Variants in ACACA observed in about 807,000 individuals in gnomAD.
The protein encoded by ACACA is acetyl-CoA carboxylase 1.
In ACACA, 103 loss-of-function variants were observed where a neutral mutation model predicts 296.1. The observed-to-expected ratio is 0.35, with a 90% confidence interval of 0.30 to 0.41. The LOEUF (loss-of-function observed/expected upper bound fraction) is 0.41. Ranked by LOEUF, ACACA falls within the 10% of genes least tolerant of loss-of-function variation. The pLI, the probability that ACACA is intolerant of heterozygous loss-of-function variation, is 1.00. For missense variants in ACACA, 1,554 were observed against 2,989.7 expected, an observed-to-expected ratio of 0.52 and a Z score of 11.20; for synonymous variants, 953 against 1,038.6, an observed-to-expected ratio of 0.92 and a Z score of 1.58.
chr17:37,377,776 A>G (rs2050071295), intron 1 of ACACA: 1 of 844,166 alleles, frequency 1.2e-6, no homozygotes, highest in East Asian at 2.7e-5. Context: ...GCAATCTTTC[A>G]TATCTTCTCC....
chr17:37,253,369 G>A (rs2081081850), intron 14 of ACACA, among the ~76,000 whole-genome samples: 2 of 152,152 alleles, frequency 1.3e-5, no homozygotes, highest in South Asian at 4.2e-4. Context: ...TCTAGCCTGG[G>A]CGACAGAGCG....
At chr17:37,309,605 G>C (rs1186346901) in intron 3 of ACACA, among the ~76,000 whole-genome samples, 1 of 152,074 alleles carries the variant, frequency 6.6e-6, no homozygotes, top group East Asian at 1.9e-4. Flanking sequence ...TGAATTCTAG[G>C]CATAAGGACC....
chr17:37,338,136 A>G (rs1248645619), intron 2 of ACACA, among the ~76,000 whole-genome samples: 2 of 148,434 alleles, frequency 1.3e-5, no homozygotes, highest in African/African-American at 4.9e-5. Context: ...ATAAAATAAA[A>G]CAAAACTAGA....
chr17:37,333,452 C>A (rs2047977478), intron 2 of ACACA, among the ~76,000 whole-genome samples: 2 of 152,028 alleles, frequency 1.3e-5, no homozygotes, highest in Non-Finnish European at 2.9e-5. Flanking sequence ...AGAAGGACAC[C>A]TAGTATGGGG....
chr17:37,105,864 C>CAAAAA (rs61529137), intron 52 of ACACA, among the ~76,000 whole-genome samples: 1 of 115,524 alleles, frequency 8.7e-6, no homozygotes, highest in Non-Finnish European at 2.0e-5. Flanking sequence ...AACTCTGTCT[C>CAAAAA]AAAAAAAAAA....
intron 19 of ACACA, among the ~76,000 whole-genome samples, chr17:37,246,426 T>A (rs1006754157): frequency 3.3e-5 from 5 of 152,146 alleles, no homozygotes; most frequent in Admixed American, 1.3e-4. Flanking sequence ...CCTTTTTTTT[T>A]AATTTTTTAG....
intron 24 of ACACA, among the ~76,000 whole-genome samples, chr17:37,238,999 T>C (rs1164098422): frequency 2.0e-5 from 3 of 152,204 alleles, no homozygotes; most frequent in East Asian, 1.9e-4. Flanking sequence ...GCTAATTGTT[T>C]TTAATTTTTT....
intron 34 of ACACA, 27 bp from the exon 35 acceptor site, chr17:37,200,210 G>C (rs1567802924): frequency 1.3e-6 from 2 of 1,590,752 alleles, no homozygotes; most frequent in Admixed American, 1.7e-5. Context: ...AGAAAGGAAG[G>C]AAAGACAGCA....
In ACACA at chr17:37,111,530, C is replaced by T; in HGVS notation, c.6565+1G>A. On this transcript the variant is annotated splice_donor_variant, in intron 52 of 55. Transcript: ENST00000616317. LOFTEE classifies it high-confidence loss of function. ...TTTGCCAGAAGGACAAGCAGACATA[C>T]CCAATCGCTCAGCCAAGTGGATGTA... The T allele has an allele frequency of 6.2e-7, 1 of 1,610,712 alleles. No homozygotes were observed. The highest frequency in any genetic ancestry group is 8.5e-7 in the Non-Finnish European group (1 of 1,176,864).
At position 37,284,821 on chromosome 17, in the gene ACACA, A is replaced by C. The variant is rs578252888; in HGVS notation, c.471+17T>G. The stretch of plus-strand genomic sequence containing the variant: ...CTAAGTGCTTTTGACAAAATAATTC[A>C]GCAAGTTACAACTTACCTTCTCAAT... On this transcript the variant is annotated intron_variant, in intron 4 of 55. Coordinates refer to ENST00000616317, the MANE Select transcript of ACACA (RefSeq NM_198834.3). 6.2e-7 allele frequency: 1 copy of C among 1,614,170 alleles called. No individual in the cohort carries two copies. The highest frequency in any genetic ancestry group is 1.1e-5 in the South Asian group (1 of 91,090).
chr17:37,360,536 C>T (rs2049363643), intron 1 of ACACA: 1 of 152,196 alleles, frequency 6.6e-6, no homozygotes, highest in African/African-American at 2.4e-5. Flanking sequence ...CGTACCTGGA[C>T]TGTAGTCCCA....
intron 9 of ACACA, 118 bp from the exon 10 acceptor site, chr17:37,270,979 TAGAA>T (rs1254835525): frequency 5.3e-6 from 4 of 752,002 alleles, no homozygotes; most frequent in African/African-American, 1.8e-5. Context: ...TACAATAAAA[TAGAA>T]AGATCTTCAA....
chr17:37,094,572 A>AAC (rs2072858332), intron 54 of ACACA, among the ~76,000 whole-genome samples: 2 of 114,486 alleles, frequency 1.7e-5, no homozygotes, highest in Non-Finnish European at 3.8e-5. Flanking sequence ...TTGAAGAACC[A>AAC]CCCCCCCCCC....
chr17:37,219,110 C>A (rs1055592789), intron 29 of ACACA, among the ~76,000 whole-genome samples: 4 of 152,160 alleles, frequency 2.6e-5, no homozygotes, highest in African/African-American at 9.7e-5. Context: ...TTTCAGCCAG[C>A]CAGACCTCTG....
Position 37,097,204 on chromosome 17 carries a change from T to C in ACACA, c.6721-38A>G. The C allele has an allele frequency of 6.2e-7, 1 of 1,605,844 alleles. No individual in the cohort carries two copies. ...AAGAATAAACTTAGCCCAGTCCTAA[T>C]TCCTGCTTAATGCTCAGTCTGGAGG... is the stretch of plus-strand genomic sequence containing the variant. On this transcript the variant is annotated intron_variant, in intron 53 of 55. Coordinates refer to ENST00000616317, the MANE Select transcript of ACACA (RefSeq NM_198834.3). The surrounding 1 kb of genome is among the most constrained non-coding windows in gnomAD (Gnocchi z 4.8).
At chr17:37,395,771 G>A (rs144258711) in intron 1 of ACACA, among the ~76,000 whole-genome samples, 7,108 of 152,084 alleles carry the variant, frequency 0.047, 532 homozygotes, top group African/African-American at 0.15. Flanking sequence ...TCGAACTCCC[G>A]ACCTCAGGTG....
intron 39 of ACACA, 64 bp from the exon 40 acceptor site, chr17:37,181,420 G>C (rs1218653224): frequency 1.9e-6 from 3 of 1,585,892 alleles, no homozygotes; most frequent in Non-Finnish European, 2.6e-6. Context: ...GCTGCCTAGA[G>C]GGGCTTTTTT....
At chr17:37,119,026 G>C (rs894849822) in intron 50 of ACACA, among the ~76,000 whole-genome samples, 21 of 152,214 alleles carry the variant, frequency 1.4e-4, no homozygotes, top group Non-Finnish European at 4.4e-5. Context: ...ATGTCAGGAA[G>C]AGTACATTCT....
At position 37,365,823 on chromosome 17, in the gene ACACA, T is replaced by C. The variant is rs1312630804; in HGVS notation, c.39-25973A>G. 7 of 766,532 alleles carry C rather than the reference T, an allele frequency of 9.1e-6. No individual in the cohort carries two copies. In the Admixed American group the frequency reaches 4.4e-4, roughly 48 times the overall value. The allele number at this position is 766,532 out of a possible 1,614,324, so 47.5% of individuals were successfully genotyped here. A position where few individuals can be genotyped will look rare whatever the true frequency, so the allele number is the denominator to read the frequency against. ...AGAGACTCCCCACGATGTTTTCACA[T>C]GGACACAGGGTTTTCACATGGCATT... On this transcript the variant is annotated intron_variant, in intron 1 of 55. Transcript: ENST00000616317.
Sources: allele counts gnomAD v4.1 joint callset (sites outside exome capture counted in the v4.1 genomes callset), GRCh38; gene constraint gnomAD v4.1.1; non-coding constraint Gnocchi (gnomAD v3.1); transcripts MANE v1.5; gene names NCBI Gene and HGNC (gene_info 2026-07-23, HGNC 2026-07-21).